EEF1AKMT1: variants seen among roughly 807,000 people sequenced by gnomAD.
EEF1AKMT1 encodes the protein EEF1A lysine methyltransferase 1, also known as N-6 adenine-specific DNA methyltransferase 2 (putative).
EEF1AKMT1 carries 18 observed loss-of-function variants against 21.0 expected under a neutral mutation model. The ratio of observed to expected loss-of-function variants is 0.86; its 90% CI spans 0.59 to 1.27. The LOEUF (loss-of-function observed/expected upper bound fraction) is 1.27, where lower values mean the gene tolerates loss of function less well. EEF1AKMT1 is among the 50% of genes most tolerant of loss of function. The pLI is 0.00. For synonymous variants in EEF1AKMT1, 109 were observed against 94.8 expected (o/e 1.15, Z -0.87); for missense variants, 246 against 258.6 (o/e 0.95, Z 0.33).
chr13:20,753,870 A>C (rs1273725348), intron 2 of EEF1AKMT1, among the ~76,000 whole-genome samples: 1 of 151,868 alleles, frequency 6.6e-6, no homozygotes, highest in Non-Finnish European at 1.5e-5. Context: ...TTTTTCTTTA[A>C]ATCTGTTCAG....
intron 1 of EEF1AKMT1, among the ~76,000 whole-genome samples, chr13:20,759,751 T>C (rs1346539336): frequency 6.6e-6 from 1 of 151,680 alleles, no homozygotes; most frequent in African/African-American, 2.4e-5. Context: ...ATCAGAGAAG[T>C]GCAAATTAAA....
intron 2 of EEF1AKMT1, among the ~76,000 whole-genome samples, chr13:20,741,135 T>C (rs1182640144): frequency 6.6e-6 from 1 of 151,942 alleles, no homozygotes; most frequent in Non-Finnish European, 1.5e-5. Flanking sequence ...GTATGCCTTC[T>C]GGATATGATC....
At chr13:20,752,113 C>T (rs1156303445) in intron 2 of EEF1AKMT1, among the ~76,000 whole-genome samples, 1 of 152,090 alleles carries the variant, frequency 6.6e-6, no homozygotes, top group Non-Finnish European at 1.5e-5. Flanking sequence ...TTGACTTCCT[C>T]TTTTCCAATT....
At chr13:20,745,498 C>A (rs545352960) in intron 2 of EEF1AKMT1, among the ~76,000 whole-genome samples, 3 of 152,036 alleles carry the variant, frequency 2.0e-5, no homozygotes, top group Admixed American at 2.0e-4. Flanking sequence ...TATTATTGGA[C>A]CTTTTAAAAG....
rs1342435091 is a variant in EEF1AKMT1, at chr13:20,728,987, G to A, written c.*93C>T. ...GCCAGGGACAGCTCCAGTTTGGGGG[G>A]AGGGGAAGAGATTATAACTTTTAAA... On this transcript the variant is annotated 3_prime_UTR_variant, in exon 5 of 5. Coordinates refer to ENST00000382758, the MANE Select transcript of EEF1AKMT1 (RefSeq NM_001318939.2). The A allele has an allele frequency of 3.3e-6, 5 of 1,498,280 alleles. No homozygotes were observed. The highest frequency in any genetic ancestry group is 4.6e-6 in the Non-Finnish European group (5 of 1,084,864). 92.8% of individuals were successfully genotyped at this position (1,498,280 alleles called of 1,614,324 possible). A position where few individuals can be genotyped will look rare whatever the true frequency, so the allele number is the denominator to read the frequency against.
chr13:20,737,737 T>C lies in EEF1AKMT1; in HGVS notation c.213A>G (p.Val71=). The C allele has an allele frequency of 6.2e-7, 1 of 1,612,570 alleles. No individual in the cohort carries two copies. The stretch of plus-strand genomic sequence containing the variant: ...TTGAATCTCACCTGCCACCTTCTCC[T>C]ACAGCTGCAATTGCCTCCTGTGCCA... ...LQLAQEAIAA[V]GEGGRIACVS... is the part of the protein sequence containing the mutation. Residue 71 remains valine (V), a synonymous_variant, in exon 3 of 5, where the codon GTA becomes GTG. Transcript: ENST00000382758.
intron 2 of EEF1AKMT1, among the ~76,000 whole-genome samples, chr13:20,739,821 T>G (rs936302881): frequency 6.6e-6 from 1 of 152,204 alleles, no homozygotes; most frequent in Non-Finnish European, 1.5e-5. Context: ...TAGCTAGACA[T>G]AAAAATTTTC....
intron 2 of EEF1AKMT1, among the ~76,000 whole-genome samples, chr13:20,748,413 C>A (rs538831164): frequency 6.7e-6 from 1 of 149,232 alleles, no homozygotes; most frequent in African/African-American, 2.5e-5. Flanking sequence ...CCAACCTGGG[C>A]GACAGAGCTA....
chr13:20,745,528 C>T lies in EEF1AKMT1; in HGVS notation c.145-7723G>A, dbSNP rs564232972. On this transcript the variant is annotated intron_variant, in intron 2 of 4. Transcript: ENST00000382758. ...TAAAAGGTTTATCTGGATGGTCTTACTAATATGGAATGGTTCTAAATCACT... is the reference window on the plus strand; with the variant it reads ...TAAAAGGTTTATCTGGATGGTCTTATTAATATGGAATGGTTCTAAATCACT... Among the ~76,000 whole-genome samples, 3 of 152,190 alleles carry T rather than the reference C, an allele frequency of 2.0e-5. No homozygotes were observed. In the South Asian group the frequency reaches 6.2e-4, roughly 32 times the overall value.
At chr13:20,764,696 C>A (rs1428705600) in intron 1 of EEF1AKMT1, among the ~76,000 whole-genome samples, 2 of 152,044 alleles carry the variant, frequency 1.3e-5, no homozygotes, top group African/African-American at 4.8e-5. Context: ...TCGTTTGGTG[C>A]GTACATACTT....
At chr13:20,730,899 G>A (rs2058790156) in intron 4 of EEF1AKMT1, among the ~76,000 whole-genome samples, 1 of 152,160 alleles carries the variant, frequency 6.6e-6, no homozygotes, top group Admixed American at 6.5e-5. Flanking sequence ...TCATAATAAA[G>A]CTTGCTGTTG....
At chr13:20,737,613 T>G in intron 3 of EEF1AKMT1, 110 bp downstream of exon 3, 1 of 901,994 alleles carries the variant, frequency 1.1e-6, no homozygotes, top group South Asian at 1.6e-5. Context: ...CAAACCATGA[T>G]CTACAATATT....
Position 20,728,983 on chromosome 13 carries a change from G to C in EEF1AKMT1, c.*97C>G, listed in dbSNP as rs757623006. 7.9e-5 allele frequency: 118 copies of C among 1,485,220 alleles called. 1 individual carries two copies. The East Asian group carries it at 1.4e-3, about 18-fold the overall frequency. 92.0% of individuals were successfully genotyped at this position (1,485,220 alleles called of 1,614,324 possible). A position where few individuals can be genotyped will look rare whatever the true frequency, so the allele number is the denominator to read the frequency against. On this transcript the variant is annotated 3_prime_UTR_variant, in exon 5 of 5. Transcript: ENST00000382758. ...CCAGGCCAGGGACAGCTCCAGTTTG[G>C]GGGGAGGGGAAGAGATTATAACTTT...
chr13:20,758,701 A>G (rs1222652415), intron 1 of EEF1AKMT1, among the ~76,000 whole-genome samples: 4 of 152,148 alleles, frequency 2.6e-5, no homozygotes, highest in African/African-American at 7.2e-5. Context: ...TAAAAAAGAG[A>G]ATGAATAGCC....
In EEF1AKMT1 at chr13:20,728,939, G is replaced by C. The variant is rs997056502; in HGVS notation, c.*141C>G. 3.7e-6 allele frequency: 4 copies of C among 1,074,750 alleles called. No individual in the cohort carries two copies. Among genetic ancestry groups the C allele is most frequent in the Non-Finnish European group, 5.5e-6 (4 of 730,378 alleles). 66.6% of individuals were successfully genotyped at this position (1,074,750 alleles called of 1,614,324 possible). ...CCCTAAGGAAACAATAATGAAGATCGCACACTTTATTTTGAAAACCAGGCC... is the reference window on the plus strand; with the variant it reads ...CCCTAAGGAAACAATAATGAAGATCCCACACTTTATTTTGAAAACCAGGCC... On this transcript the variant is annotated 3_prime_UTR_variant, in exon 5 of 5. Coordinates refer to ENST00000382758, the MANE Select transcript of EEF1AKMT1 (RefSeq NM_001318939.2).
chr13:20,767,650 G>A (rs2059042350), intron 1 of EEF1AKMT1, among the ~76,000 whole-genome samples: 1 of 152,034 alleles, frequency 6.6e-6, no homozygotes. Flanking sequence ...GTGCCTTGGT[G>A]TGGTTTTTTA....
rs56891551 is a variant in EEF1AKMT1 at position 20,760,104 on chromosome 13, C to CA, written c.-19-2488dup. 6.3e-3 allele frequency among the ~76,000 whole-genome samples: 355 copies of CA among 56,162 alleles called. 8 individuals carry two copies. The highest frequency in any genetic ancestry group is 0.018 in the African/African-American group (205 of 11,140). 36.8% of individuals were successfully genotyped at this position (56,162 alleles called of 152,430 possible). ...TGGGGAACAGAGCGAGACTCTGTCTCAAAAAAAAAAAAAAAAAAAAAGTCA... is the reference window on the plus strand; with the variant it reads ...TGGGGAACAGAGCGAGACTCTGTCTCAAAAAAAAAAAAAAAAAAAAAAGTCA... On this transcript the variant is annotated intron_variant, in intron 1 of 4. Transcript: ENST00000382758.
At chr13:20,758,260 T>C (rs1452345394) in intron 1 of EEF1AKMT1, among the ~76,000 whole-genome samples, 7 of 152,158 alleles carry the variant, frequency 4.6e-5, no homozygotes, top group Non-Finnish European at 8.8e-5. Context: ...CAGAACCCCT[T>C]ATCTTAATCC....
At chr13:20,755,960 GT>G (rs1351105875) in intron 2 of EEF1AKMT1, among the ~76,000 whole-genome samples, 1 of 152,156 alleles carries the variant, frequency 6.6e-6, no homozygotes, top group African/African-American at 2.4e-5. Flanking sequence ...ATATTTGTTA[GT>G]TACAGAAGCA....
Sources: allele counts gnomAD v4.1 joint callset (sites outside exome capture counted in the v4.1 genomes callset), GRCh38; gene constraint gnomAD v4.1.1; transcripts MANE v1.5; gene names NCBI Gene and HGNC (gene_info 2026-07-23, HGNC 2026-07-21).